APBB2: variants seen among roughly 807,000 people sequenced by gnomAD.
The protein encoded by APBB2 is Fe65-like 1.
A neutral mutation model predicts 82.5 loss-of-function variants in APBB2; 38 were observed. The observed-to-expected ratio is 0.46, with a 90% confidence interval of 0.36 to 0.60. APBB2 has a LOEUF of 0.60. Among genes scored for constraint, APBB2 ranks in the 20% least tolerant of loss-of-function variants. The pLI, the probability that APBB2 is intolerant of heterozygous loss-of-function variation, is 0.00. For synonymous variants in APBB2, 341 were observed against 368.2 expected (o/e 0.93, Z 0.85); for missense variants, 772 against 972.3 (o/e 0.79, Z 2.74).
intron 16 of APBB2, among the ~76,000 whole-genome samples, chr4:40,822,937 G>T (rs530145431): frequency 8.3e-4 from 126 of 152,308 alleles, no homozygotes; most frequent in Non-Finnish European, 1.5e-3. Context: ...CCTACTTGAA[G>T]AGGTGAGGAG....
chr4:40,920,540 G>A (rs1227585569), intron 10 of APBB2, among the ~76,000 whole-genome samples: 1 of 152,172 alleles, frequency 6.6e-6, no homozygotes, highest in African/African-American at 2.4e-5. Flanking sequence ...ACCCCACAGG[G>A]AATCAGGGGA....
At chr4:41,128,370 G>T (rs1223861207) in intron 2 of APBB2, among the ~76,000 whole-genome samples, 1 of 152,170 alleles carries the variant, frequency 6.6e-6, no homozygotes, top group African/African-American at 2.4e-5. Flanking sequence ...ACTTCTCAAA[G>T]AACTTAGGAC....
intron 17 of APBB2, 127 bp downstream of exon 17, chr4:40,821,744 A>G: frequency 9.2e-7 from 1 of 1,084,178 alleles, no homozygotes; most frequent in Non-Finnish European, 1.3e-6. Context: ...TGACGGCGTT[A>G]TAAAGTAAAG....
At chr4:40,911,374 T>C (rs1434238766) in intron 10 of APBB2, among the ~76,000 whole-genome samples, 1 of 152,212 alleles carries the variant, frequency 6.6e-6, no homozygotes, top group Non-Finnish European at 1.5e-5. Flanking sequence ...GTATCATGTG[T>C]ATAAAGTGCT....
intron 6 of APBB2, among the ~76,000 whole-genome samples, chr4:40,967,512 C>T (rs1178223612): frequency 6.6e-6 from 1 of 152,156 alleles, no homozygotes; most frequent in Admixed American, 6.5e-5. Context: ...TGGTGCCAGC[C>T]ATGGAAGTTA....
chr4:41,054,731 G>A (rs1271635922), intron 4 of APBB2, among the ~76,000 whole-genome samples: 1 of 152,148 alleles, frequency 6.6e-6, no homozygotes, highest in Non-Finnish European at 1.5e-5. Context: ...AAAGGTGGGT[G>A]TGAAGTCTTG....
intron 7 of APBB2, among the ~76,000 whole-genome samples, chr4:40,943,681 C>T (rs1787618810): frequency 6.6e-6 from 1 of 152,180 alleles, no homozygotes; most frequent in African/African-American, 2.4e-5. Context: ...AATTATTATG[C>T]TTCAATAAAA....
chr4:40,960,168 G>C (rs1445299508), intron 6 of APBB2, among the ~76,000 whole-genome samples: 2 of 152,058 alleles, frequency 1.3e-5, no homozygotes, highest in East Asian at 3.9e-4. Flanking sequence ...GAGGAGTACA[G>C]AGAAAAACGT....
chr4:40,904,792 C>G (rs1053985036), intron 10 of APBB2, among the ~76,000 whole-genome samples: 13 of 150,352 alleles, frequency 8.6e-5, no homozygotes, highest in Non-Finnish European at 1.8e-4. Context: ...TGACCCAGTT[C>G]TCCATCCGGC....
chr4:40,896,369 A>G (rs1157084617), intron 10 of APBB2, among the ~76,000 whole-genome samples: 1 of 152,216 alleles, frequency 6.6e-6, no homozygotes, highest in East Asian at 1.9e-4. Flanking sequence ...AGAACTCAAT[A>G]CAGTTCTGAG....
intron 2 of APBB2, among the ~76,000 whole-genome samples, chr4:41,114,863 G>A (rs943060088): frequency 2.0e-5 from 3 of 152,170 alleles, no homozygotes; most frequent in African/African-American, 7.2e-5. Context: ...CTCATGGATA[G>A]GAAGAATCAA....
intron 3 of APBB2, among the ~76,000 whole-genome samples, chr4:41,099,339 C>T (rs996790461): frequency 2.0e-5 from 3 of 152,120 alleles, no homozygotes; most frequent in African/African-American, 4.8e-5. Context: ...AGCAATTCTC[C>T]TGCCTCAGGC....
At chr4:40,875,941 T>C (rs567216589) in intron 12 of APBB2, among the ~76,000 whole-genome samples, 1 of 152,348 alleles carries the variant, frequency 6.6e-6, no homozygotes, top group African/African-American at 2.4e-5. Context: ...ATGCCTTTGG[T>C]TTCAACTGTT....
Position 40,866,548 on chromosome 4 carries a change from T to G in APBB2, c.1529+23816A>C, listed in dbSNP as rs545400304. The stretch of plus-strand genomic sequence containing the variant: ...TATGTGCCCTCATGCCCTAAAGAGA[T>G]ATCAGCTACATTAGAAGGCCACAGA... On this transcript the variant is annotated intron_variant, in intron 12 of 17. Transcript: ENST00000508593. Among the ~76,000 whole-genome samples, 5 of 152,272 alleles carry G rather than the reference T, an allele frequency of 3.3e-5. No individual in the cohort carries two copies. The East Asian group carries it at 9.6e-4, about 29-fold the overall frequency.
chr4:40,964,870 T>C (rs527389936), intron 6 of APBB2, among the ~76,000 whole-genome samples: 31 of 151,934 alleles, frequency 2.0e-4, no homozygotes, highest in Middle Eastern at 3.4e-3. Context: ...CCTGTAATCT[T>C]AGCACTTTGG....
At chr4:40,851,992 G>A (rs1759617368) in intron 12 of APBB2, among the ~76,000 whole-genome samples, 1 of 151,862 alleles carries the variant, frequency 6.6e-6, no homozygotes, top group Non-Finnish European at 1.5e-5. Flanking sequence ...AATACATATG[G>A]AACAAATTTT....
chr4:41,076,317 T>C (rs1288963774), intron 3 of APBB2, among the ~76,000 whole-genome samples: 2 of 152,178 alleles, frequency 1.3e-5, no homozygotes, highest in Non-Finnish European at 2.9e-5. Context: ...TTGCAAGTCA[T>C]TTTAAGGAGT....
At chr4:41,211,750 G>A (rs1779376140) in intron 1 of APBB2, among the ~76,000 whole-genome samples, 1 of 152,166 alleles carries the variant, frequency 6.6e-6, no homozygotes, top group Non-Finnish European at 1.5e-5. Context: ...CCAAAGTGCT[G>A]TGATTATAGG....
intron 12 of APBB2, among the ~76,000 whole-genome samples, chr4:40,838,329 ATTTTTTTTTTTTTT>A (rs780767835): frequency 2.8e-5 from 2 of 72,274 alleles, no homozygotes; most frequent in Non-Finnish European, 5.1e-5. Context: ...CACATGGCTA[ATTTTTTTTTTTTTT>A]TTTTTTTTTT....
Sources: allele counts gnomAD v4.1 joint callset (sites outside exome capture counted in the v4.1 genomes callset), GRCh38; gene constraint gnomAD v4.1.1; transcripts MANE v1.5; gene names NCBI Gene and HGNC (gene_info 2026-07-23, HGNC 2026-07-21).